Variants in SLC37A3 observed in about 807,000 individuals in gnomAD.
SLC37A3 encodes the protein solute carrier family 37 member 3.
Under a neutral mutation model 67.1 loss-of-function variants are expected in SLC37A3, and 51 were observed. The ratio of observed to expected loss-of-function variants is 0.76; its 90% CI spans 0.61 to 0.96. SLC37A3 has a LOEUF of 0.96. SLC37A3 is among the 40% of genes least tolerant of loss of function. The pLI is 0.00. For synonymous variants in SLC37A3, 214 were observed against 231.4 expected (o/e 0.92, Z 0.68); for missense variants, 508 against 603.0 (o/e 0.84, Z 1.65).
intron 4 of SLC37A3, among the ~76,000 whole-genome samples, chr7:140,366,061 C>A (rs921339671): frequency 6.7e-6 from 1 of 150,252 alleles, no homozygotes; most frequent in African/African-American, 2.4e-5. Flanking sequence ...CCGTAGCCTC[C>A]CGAGTAGCTG....
intron 1 of SLC37A3, among the ~76,000 whole-genome samples, chr7:140,388,565 C>A (rs939096691): frequency 5.3e-5 from 8 of 151,972 alleles, no homozygotes; most frequent in Non-Finnish European, 1.0e-4. Flanking sequence ...GGAATCCCAG[C>A]ACTTTGGGAG....
chr7:140,342,390 T>C (rs894993691), intron 13 of SLC37A3, among the ~76,000 whole-genome samples: 36 of 152,192 alleles, frequency 2.4e-4, no homozygotes, highest in African/African-American at 8.7e-4. Context: ...TCCATGACCT[T>C]ACTAACGCCT....
At chr7:140,351,225 C>T (rs764185929) in intron 9 of SLC37A3, 48 bp downstream of exon 9, 14 of 1,559,882 alleles carry the variant, frequency 9.0e-6, no homozygotes, top group East Asian at 6.8e-5. Flanking sequence ...GGAGATGTCA[C>T]GGGCTCTCAT....
intron 10 of SLC37A3, among the ~76,000 whole-genome samples, chr7:140,347,960 C>T (rs12703769): frequency 0.99 from 150,660 of 152,298 alleles, 74,523 homozygotes; most frequent in East Asian, 1. Context: ...AAACTCTATA[C>T]ATACTATGTT....
At chr7:140,377,165 G>A (rs76585572) in intron 3 of SLC37A3, among the ~76,000 whole-genome samples, 2 of 150,588 alleles carry the variant, frequency 1.3e-5, no homozygotes, top group Non-Finnish European at 1.5e-5. Context: ...GGCTGGTCTC[G>A]AACTCCTGAC....
intron 2 of SLC37A3, among the ~76,000 whole-genome samples, chr7:140,382,040 G>GT (rs201673072): frequency 2.8e-5 from 4 of 142,958 alleles, no homozygotes; most frequent in African/African-American, 5.2e-5. Context: ...AGTGAGATAT[G>GT]TTTTTTAAAA....
intron 1 of SLC37A3, among the ~76,000 whole-genome samples, chr7:140,390,140 T>C (rs530231318): frequency 1.3e-5 from 2 of 152,208 alleles, no homozygotes; most frequent in African/African-American, 4.8e-5. Flanking sequence ...AGGAACTCTC[T>C]GAAGAAAGTC....
Position 140,355,665 on chromosome 7 carries a change from T to C in SLC37A3, c.618+3A>G, listed in dbSNP as rs1163526049. The C allele has an allele frequency of 2.5e-6, 4 of 1,612,592 alleles. No homozygotes were observed. Among genetic ancestry groups the C allele is most frequent in the Non-Finnish European group, 1.7e-6 (2 of 1,179,028 alleles). The stretch of plus-strand genomic sequence containing the variant: ...AGCACCAGAGCTAGAAAACAATACC[T>C]ACCTCATAACCATACTGAAGAACAG... On this transcript the variant is annotated splice_donor_region_variant and intron_variant, in intron 7 of 14. Transcript: ENST00000326232.
rs1309503620 is a variant in SLC37A3, at chr7:140,351,267, C to T, written c.882+6G>A. Reference sequence around the variant, plus strand: ...CTGGCTGTGGTAAGATGTAAGCGGTCCTTACCGGTATGACTCCAGGAAGGC... The same window carrying T: ...CTGGCTGTGGTAAGATGTAAGCGGTTCTTACCGGTATGACTCCAGGAAGGC... On this transcript the variant is annotated splice_donor_region_variant and intron_variant, in intron 9 of 14. Coordinates refer to ENST00000326232, the MANE Select transcript of SLC37A3 (RefSeq NM_207113.3). The T allele has an allele frequency of 6.2e-7, 1 of 1,612,960 alleles. No homozygotes were observed. The highest frequency in any genetic ancestry group is 8.5e-7 in the Non-Finnish European group (1 of 1,179,280).
Position 140,345,290 on chromosome 7 carries a change from T to C in SLC37A3, c.1127-27A>G, listed in dbSNP as rs374327316. The C allele has an allele frequency of 1.8e-4, 292 of 1,609,582 alleles. 1 individual carries two copies. Among genetic ancestry groups the C allele is most frequent in the East Asian group, 2.2e-4 (10 of 44,868 alleles). The stretch of plus-strand genomic sequence containing the variant: ...TGTGAGGGAAGACACAGACAAACCA[T>C]GGTGGCTTGAAAAGCAGACTCCACG... On this transcript the variant is annotated intron_variant, in intron 11 of 14. Coordinates refer to ENST00000326232, the MANE Select transcript of SLC37A3 (RefSeq NM_207113.3).
chr7:140,366,143 G>C (rs1268703512), intron 4 of SLC37A3, among the ~76,000 whole-genome samples: 1 of 151,726 alleles, frequency 6.6e-6, no homozygotes, highest in Non-Finnish European at 1.5e-5. Context: ...TGGTCTTGAA[G>C]TATTGGCCTC....
At position 140,367,054 on chromosome 7, in the gene SLC37A3, C is replaced by G. The variant is rs191320952; in HGVS notation, c.291+2536G>C. Among the ~76,000 whole-genome samples, 5 of 152,126 alleles carry G rather than the reference C, an allele frequency of 3.3e-5. No homozygotes were observed. In the East Asian group the frequency reaches 9.7e-4, roughly 29 times the overall value. Reference sequence around the variant, plus strand: ...TCAGGAGGCTGAAGCAGCAGAATTGCTTGAACCCAGGGGGCAGAGGTTGCA... The same window carrying G: ...TCAGGAGGCTGAAGCAGCAGAATTGGTTGAACCCAGGGGGCAGAGGTTGCA... On this transcript the variant is annotated intron_variant, in intron 4 of 14. Transcript: ENST00000326232.
At position 140,335,115 on chromosome 7, in the gene SLC37A3, T is replaced by G; in HGVS notation, c.*297A>C. 2.8e-6 allele frequency: 3 copies of G among 1,078,932 alleles called. No homozygotes were observed. The South Asian group carries it at 4.9e-5, about 18-fold the overall frequency. 66.8% of individuals were successfully genotyped at this position (1,078,932 alleles called of 1,614,324 possible). On this transcript the variant is annotated 3_prime_UTR_variant, in exon 15 of 15. Coordinates refer to ENST00000326232, the MANE Select transcript of SLC37A3 (RefSeq NM_207113.3). ...ACAGTTAAGGTTAAAACGCTAAACCTCAATAGGCCAAACAAAGACGCGGGC... is the reference window on the plus strand; with the variant it reads ...ACAGTTAAGGTTAAAACGCTAAACCGCAATAGGCCAAACAAAGACGCGGGC...
At chr7:140,384,019 C>G (rs1425225667) in intron 1 of SLC37A3, among the ~76,000 whole-genome samples, 2 of 152,068 alleles carry the variant, frequency 1.3e-5, no homozygotes, top group African/African-American at 2.4e-5. Flanking sequence ...AAAGCTGCAC[C>G]CATGCTCTGA....
chr7:140,363,680 G>T (rs1288973064), intron 5 of SLC37A3, among the ~76,000 whole-genome samples: 2 of 65,212 alleles, frequency 3.1e-5, no homozygotes, highest in Admixed American at 2.0e-4. Context: ...AAACACCCAA[G>T]AATGATCAAT....
intron 3 of SLC37A3, among the ~76,000 whole-genome samples, chr7:140,373,950 G>A (rs1797922612): frequency 6.6e-6 from 1 of 152,122 alleles, no homozygotes; most frequent in African/African-American, 2.4e-5. Flanking sequence ...TCATTTTTCA[G>A]AAGATGTTAT....
intron 13 of SLC37A3, among the ~76,000 whole-genome samples, chr7:140,341,091 C>T (rs1437828350): frequency 6.6e-6 from 1 of 152,120 alleles, no homozygotes; most frequent in Non-Finnish European, 1.5e-5. Context: ...TACCACCATG[C>T]TCAGCTAACT....
At chr7:140,348,539 A>G in intron 10 of SLC37A3, 87 bp downstream of exon 10, 1 of 1,445,652 alleles carries the variant, frequency 6.9e-7, no homozygotes, top group East Asian at 2.5e-5. Context: ...AAGTAATAAA[A>G]CTTTAAATGA....
rs1028731278 is a variant in SLC37A3 at position 140,362,439 on chromosome 7, C to G, written c.375+1969G>C. 2.8e-5 allele frequency among the ~76,000 whole-genome samples: 4 copies of G among 143,980 alleles called. 1 individual carries two copies. Among genetic ancestry groups the G allele is most frequent in the Admixed American group, 1.4e-4 (2 of 14,668 alleles). The allele number at this position is 143,980 out of a possible 152,430, so 94.5% of individuals were successfully genotyped here. The stretch of plus-strand genomic sequence containing the variant: ...GAGGTGGGGGGGGGGGTCAGCCCCC[C>G]GCCCGGCCAGCCGCCCCGTCTGGGA... On this transcript the variant is annotated intron_variant, in intron 5 of 14. Transcript: ENST00000326232.
Sources: allele counts gnomAD v4.1 joint callset (sites outside exome capture counted in the v4.1 genomes callset), GRCh38; gene constraint gnomAD v4.1.1; transcripts MANE v1.5; gene names NCBI Gene and HGNC (gene_info 2026-07-23, HGNC 2026-07-21).